Variants in ARIH1 observed in about 807,000 individuals in gnomAD.
ARIH1 encodes ariadne RBR E3 ubiquitin protein ligase 1, also known as E3 ubiquitin-protein ligase ARIH1.
Under a neutral mutation model 85.0 loss-of-function variants are expected in ARIH1, and 8 were observed. The observed-to-expected ratio is 0.09, with a 90% CI of 0.06 to 0.17. The LOEUF (loss-of-function observed/expected upper bound fraction) is 0.17, where lower values mean the gene tolerates loss of function less well. ARIH1 is among the 10% of genes least tolerant of loss of function. The probability of loss-of-function intolerance (pLI) is 1.00; values close to 1 mark genes in which losing one functional copy is unlikely to be tolerated. For missense variants in ARIH1, 311 were observed against 718.1 expected (o/e 0.43, Z 6.48); for synonymous variants, 238 against 253.6 (o/e 0.94, Z 0.59).
At chr15:72,580,060 G>A (rs1318430672) in intron 11 of ARIH1, among the ~76,000 whole-genome samples, 1 of 151,906 alleles carries the variant, frequency 6.6e-6, no homozygotes, top group Non-Finnish European at 1.5e-5. Context: ...GTACTCTTTG[G>A]TCACCAACTC....
In ARIH1 at chr15:72,588,131, A is replaced by C. The variant is rs1359557524; in HGVS notation, c.*4839A>C. 6.6e-6 allele frequency: 1 copy of C among 152,204 alleles called. No homozygotes were observed. Among genetic ancestry groups the C allele is most frequent in the East Asian group, 1.9e-4 (1 of 5,200 alleles). 9.4% of individuals were successfully genotyped at this position (152,204 alleles called of 1,614,324 possible). A position where few individuals can be genotyped will look rare whatever the true frequency, so the allele number is the denominator to read the frequency against. ...AAGTAATCCAGGAGTCTCAAACTGA[A>C]ATGTCAACAAGAGCCAAGTAAATAT... is the stretch of plus-strand genomic sequence containing the variant. On this transcript the variant is annotated 3_prime_UTR_variant, in exon 14 of 14. Coordinates refer to ENST00000379887, the MANE Select transcript of ARIH1 (RefSeq NM_005744.5).
At chr15:72,502,683 G>T (rs2063908663) in intron 1 of ARIH1, among the ~76,000 whole-genome samples, 1 of 152,156 alleles carries the variant, frequency 6.6e-6, no homozygotes, top group Non-Finnish European at 1.5e-5. Context: ...GCACGTGCCT[G>T]TAGTCCCAGT....
chr15:72,474,862 G>T lies in ARIH1; in HGVS notation c.223G>T (p.Gly75Trp). ...ETGGGGGSAL[G>W]PGGGGGGGGG... ...GGGCGGTGGCGGCGGCAGCGCTCTG[G>T]GGCCCGGCGGTGGCGGCGGCGGCGG... is the stretch of plus-strand genomic sequence containing the variant. Residue 75 changes from glycine (G) to tryptophan (W), a missense_variant, in exon 1 of 14, where the codon GGG (glycine) becomes TGG (tryptophan). By Grantham distance (184) the Gly-to-Trp change is radical (BLOSUM62 -2). Coordinates refer to ENST00000379887, the MANE Select transcript of ARIH1 (RefSeq NM_005744.5). The T allele has an allele frequency of 7.0e-7, 1 of 1,419,928 alleles. No individual in the cohort carries two copies. The highest frequency in any genetic ancestry group is 9.2e-7 in the Non-Finnish European group (1 of 1,081,104). 88.0% of individuals were successfully genotyped at this position (1,419,928 alleles called of 1,614,324 possible). A position where few individuals can be genotyped will look rare whatever the true frequency, so the allele number is the denominator to read the frequency against.
In ARIH1 at chr15:72,598,485, A is replaced by C. The variant is rs1378568373; in HGVS notation, c.*15193A>C. On this transcript the variant is annotated 3_prime_UTR_variant, in exon 14 of 14. Transcript: ENST00000379887. Reference sequence around the variant, plus strand: ...TCCCAGCACTTTGGGAGGCCGAGGCAGGTGGATCACCTGAGATCAGGAGTT... The same window carrying C: ...TCCCAGCACTTTGGGAGGCCGAGGCCGGTGGATCACCTGAGATCAGGAGTT... The C allele has an allele frequency of 6.6e-6, 1 of 151,780 alleles. No individual in the cohort carries two copies. Among genetic ancestry groups the C allele is most frequent in the East Asian group, 2.0e-4 (1 of 5,118 alleles). 9.4% of individuals were successfully genotyped at this position (151,780 alleles called of 1,614,324 possible).
chr15:72,547,933 T>C (rs1350033856), intron 3 of ARIH1, among the ~76,000 whole-genome samples: 1 of 152,192 alleles, frequency 6.6e-6, no homozygotes, highest in Admixed American at 6.5e-5. Flanking sequence ...GGTCTAACAA[T>C]CTCAACAAAC....
chr15:72,523,824 T>A (rs935271664), intron 2 of ARIH1, among the ~76,000 whole-genome samples: 1 of 151,614 alleles, frequency 6.6e-6, no homozygotes, highest in African/African-American at 2.4e-5. Flanking sequence ...TTTTTTTCTT[T>A]TAAAGGGGGA....
chr15:72,523,648 C>T (rs1209144955), intron 2 of ARIH1, among the ~76,000 whole-genome samples: 1 of 151,710 alleles, frequency 6.6e-6, no homozygotes, highest in Non-Finnish European at 1.5e-5. Context: ...ATGTAAACTA[C>T]AGACTTTGGG....
intron 6 of ARIH1, among the ~76,000 whole-genome samples, chr15:72,562,837 T>C (rs976916183): frequency 1.3e-5 from 2 of 150,550 alleles, no homozygotes. Context: ...ATTTTGAAGA[T>C]AGAACAAGAG....
chr15:72,572,187 C>T lies in ARIH1; in HGVS notation c.1215+22C>T, dbSNP rs751901584. 76 of 1,495,990 alleles carry T rather than the reference C, an allele frequency of 5.1e-5. No individual in the cohort carries two copies. The East Asian group carries it at 1.7e-3, about 34-fold the overall frequency. 92.7% of individuals were successfully genotyped at this position (1,495,990 alleles called of 1,614,324 possible). ...GGAGGTAAGTATATGTATAACAGGA[C>T]AATAGTTGACTAAGAATGCACGTTG... is the stretch of plus-strand genomic sequence containing the variant. On this transcript the variant is annotated intron_variant, in intron 11 of 13. Transcript: ENST00000379887.
At chr15:72,514,714 A>G (rs897771770) in intron 1 of ARIH1, among the ~76,000 whole-genome samples, 5 of 150,888 alleles carry the variant, frequency 3.3e-5, no homozygotes, top group African/African-American at 9.8e-5. Flanking sequence ...AAAAAAAAAA[A>G]GAGGATTTTG....
rs2064203217 is a variant in ARIH1, at chr15:72,562,898, A to T, written c.805-496A>T. Among the ~76,000 whole-genome samples the T allele has an allele frequency of 8.9e-4, 8 of 8,998 alleles. No homozygotes were observed. The Admixed American group carries it at 0.037, about 42-fold the overall frequency. The allele number at this position is 8,998 out of a possible 152,430, so 5.9% of individuals were successfully genotyped here. ...GGTCTTCAGGGATCAGTCATCTTTA[A>T]AAAAAAAAAAAAAAGGCACATCTGA... On this transcript the variant is annotated intron_variant, in intron 6 of 13. Coordinates refer to ENST00000379887, the MANE Select transcript of ARIH1 (RefSeq NM_005744.5).
rs2064354786 is a variant in ARIH1 at position 72,594,414 on chromosome 15, C to A, written c.*11122C>A. On this transcript the variant is annotated 3_prime_UTR_variant, in exon 14 of 14. Coordinates refer to ENST00000379887, the MANE Select transcript of ARIH1 (RefSeq NM_005744.5). The stretch of plus-strand genomic sequence containing the variant: ...CGAGCTCCTGACCTCGTGATCCAAC[C>A]ACCTTGGCCTCCCAAAGTGCTGCCA... The A allele has an allele frequency of 6.6e-6, 1 of 152,172 alleles. No individual in the cohort carries two copies. Among genetic ancestry groups the A allele is most frequent in the African/African-American group, 2.4e-5 (1 of 41,442 alleles). 9.4% of individuals were successfully genotyped at this position (152,172 alleles called of 1,614,324 possible).
intron 1 of ARIH1, among the ~76,000 whole-genome samples, chr15:72,500,219 C>T (rs929502752): frequency 6.6e-6 from 1 of 151,876 alleles, no homozygotes; most frequent in Non-Finnish European, 1.5e-5. Flanking sequence ...CTCAGCCTCC[C>T]GAGTAGCTGG....
chr15:72,483,924 C>T (rs1242273851), intron 1 of ARIH1, among the ~76,000 whole-genome samples: 1 of 151,800 alleles, frequency 6.6e-6, no homozygotes. Context: ...GTAATCCCAG[C>T]ACTTTGGGAG....
chr15:72,581,078 G>A (rs2064293343), intron 12 of ARIH1, 87 bp downstream of exon 12: 1 of 1,374,246 alleles, frequency 7.3e-7, no homozygotes, highest in Non-Finnish European at 9.9e-7. Flanking sequence ...AGTTTTCAGG[G>A]TTCTTGTTTG....
At chr15:72,518,668 G>A (rs1435664916) in intron 2 of ARIH1, among the ~76,000 whole-genome samples, 4 of 151,700 alleles carry the variant, frequency 2.6e-5, no homozygotes, top group Non-Finnish European at 2.9e-5. Context: ...TATGCCTGTA[G>A]TTCCAGCTAC....
intron 2 of ARIH1, among the ~76,000 whole-genome samples, chr15:72,541,725 A>G (rs1479265791): frequency 6.6e-6 from 1 of 152,240 alleles, no homozygotes; most frequent in East Asian, 1.9e-4. Context: ...TATAGTGAAC[A>G]GATCAGTGGG....
intron 10 of ARIH1, among the ~76,000 whole-genome samples, chr15:72,570,596 T>C (rs2064239328): frequency 6.6e-6 from 1 of 152,190 alleles, no homozygotes; most frequent in Non-Finnish European, 1.5e-5. Context: ...AGGTAGAATG[T>C]TGTGAAAATA....
intron 7 of ARIH1, among the ~76,000 whole-genome samples, chr15:72,564,737 CA>C (rs1415176371): frequency 1.3e-5 from 2 of 152,142 alleles, no homozygotes; most frequent in Non-Finnish European, 2.9e-5. Context: ...AGTCCAAGAT[CA>C]AGGTGCCAAA....
Sources: allele counts gnomAD v4.1 joint callset (sites outside exome capture counted in the v4.1 genomes callset), GRCh38; gene constraint gnomAD v4.1.1; transcripts MANE v1.5; gene names NCBI Gene and HGNC (gene_info 2026-07-23, HGNC 2026-07-21).